The following SGCZ variants were observed in gnomAD, a reference collection of about 807,000 sequenced individuals.
SGCZ encodes the protein zeta-sarcoglycan.
A neutral mutation model predicts 41.3 loss-of-function variants in SGCZ; 40 were observed. The observed-to-expected ratio is 0.97, with a 90% CI of 0.75 to 1.26. The LOEUF is 1.26. Ranked by LOEUF, SGCZ falls within the 50% of genes most tolerant of loss-of-function variation. SGCZ has a pLI of 0.00. For missense variants in SGCZ, 552 were observed against 369.8 expected, an observed-to-expected ratio of 1.49 and a Z score of -4.04; for synonymous variants, 206 against 137.5, an observed-to-expected ratio of 1.50 and a Z score of -3.49.
intron 1 of SGCZ, among the ~76,000 whole-genome samples, chr8:14,558,574 T>TAGAGAG (rs146179658): frequency 0.1 from 10,268 of 99,460 alleles, 932 homozygotes; most frequent in African/African-American, 0.22. Context: ...GAATGACTCT[T>TAGAGAG]AGAGAGAGAG....
chr8:14,431,072 C>T (rs757441967), intron 2 of SGCZ, among the ~76,000 whole-genome samples: 20 of 152,190 alleles, frequency 1.3e-4, no homozygotes, highest in Non-Finnish European at 2.8e-4. Flanking sequence ...ATCCCATGCT[C>T]ATGGATGAGT....
chr8:15,202,373 A>G (rs979854963), intron 1 of SGCZ, among the ~76,000 whole-genome samples: 4 of 152,222 alleles, frequency 2.6e-5, no homozygotes, highest in African/African-American at 9.6e-5. Flanking sequence ...TTGAGAGACC[A>G]TTATTTTAAA....
intron 1 of SGCZ, among the ~76,000 whole-genome samples, chr8:15,005,293 C>T (rs532064082): frequency 2.7e-5 from 4 of 150,356 alleles, no homozygotes; most frequent in East Asian, 3.9e-4. Context: ...TCCGGAGCCC[C>T]CTCCCCACGC....
At chr8:14,599,635 C>G (rs1349843940) in intron 1 of SGCZ, among the ~76,000 whole-genome samples, 3 of 152,188 alleles carry the variant, frequency 2.0e-5, no homozygotes, top group African/African-American at 7.2e-5. Flanking sequence ...TTTCCCTTCA[C>G]TAAATCTGAA....
At chr8:14,876,875 C>T (rs1585340863) in intron 1 of SGCZ, among the ~76,000 whole-genome samples, 2 of 152,282 alleles carry the variant, frequency 1.3e-5, no homozygotes, top group East Asian at 1.9e-4. Flanking sequence ...AGAGGTCCCC[C>T]CGCCCTGCAA....
chr8:14,349,829 C>T (rs1005366431), intron 2 of SGCZ, among the ~76,000 whole-genome samples: 1 of 152,028 alleles, frequency 6.6e-6, no homozygotes, highest in African/African-American at 2.4e-5. Context: ...AGTAGACATG[C>T]CATAAAAAAG....
intron 1 of SGCZ, among the ~76,000 whole-genome samples, chr8:14,606,970 T>A (rs941700507): frequency 1.3e-5 from 2 of 152,162 alleles, no homozygotes; most frequent in Non-Finnish European, 2.9e-5. Context: ...TGTTACTGCT[T>A]CTACTAGTAC....
intron 1 of SGCZ, among the ~76,000 whole-genome samples, chr8:14,683,980 G>C (rs1369131150): frequency 3.9e-5 from 6 of 151,916 alleles, no homozygotes; most frequent in Non-Finnish European, 8.8e-5. Context: ...ACAATCCATG[G>C]GATGCCATAG....
chr8:14,296,664 A>C (rs1051860249), intron 3 of SGCZ, among the ~76,000 whole-genome samples: 3 of 152,182 alleles, frequency 2.0e-5, no homozygotes, highest in Non-Finnish European at 4.4e-5. Flanking sequence ...ACTAGGGTAC[A>C]TTAAACTTGC....
At chr8:14,309,476 G>A in intron 3 of SGCZ, 1 of 1,606,854 alleles carries the variant, frequency 6.2e-7, no homozygotes, top group Non-Finnish European at 8.5e-7. Context: ...ATGTGGCGCT[G>A]TTGTTAATGT....
At chr8:14,460,674 T>G (rs1047376473) in intron 2 of SGCZ, among the ~76,000 whole-genome samples, 1 of 151,982 alleles carries the variant, frequency 6.6e-6, no homozygotes, top group African/African-American at 2.4e-5. Flanking sequence ...TCCAAAGAAG[T>G]AGATTTTGTC....
At chr8:15,131,955 T>A (rs1356071230) in intron 1 of SGCZ, among the ~76,000 whole-genome samples, 3 of 152,238 alleles carry the variant, frequency 2.0e-5, no homozygotes, top group Non-Finnish European at 4.4e-5. Context: ...GCATGATAAT[T>A]ACTAAGCAAC....
rs541119366 is a variant in SGCZ at position 15,128,836 on chromosome 8, C to T, written c.39+108749G>A. 1.6e-3 allele frequency among the ~76,000 whole-genome samples: 238 copies of T among 152,250 alleles called. 1 individual carries two copies. Among genetic ancestry groups the T allele is most frequent in the Non-Finnish European group, 2.4e-3 (161 of 68,018 alleles). On this transcript the variant is annotated intron_variant, in intron 1 of 7. Transcript: ENST00000382080. ...CAAAATGCAAAATTCTCTCCTTCCCCTTAGACTGCTGAACTTTACACACAA... is the reference window on the plus strand; with the variant it reads ...CAAAATGCAAAATTCTCTCCTTCCCTTTAGACTGCTGAACTTTACACACAA...
intron 1 of SGCZ, among the ~76,000 whole-genome samples, chr8:14,868,639 TG>T (rs921215879): frequency 1.8e-4 from 27 of 152,178 alleles, no homozygotes; most frequent in African/African-American, 6.3e-4. Context: ...CACATATTGA[TG>T]GGAAAGAGAC....
At chr8:14,957,636 T>C (rs771833635) in intron 1 of SGCZ, among the ~76,000 whole-genome samples, 4 of 152,022 alleles carry the variant, frequency 2.6e-5, no homozygotes, top group Non-Finnish European at 5.9e-5. Flanking sequence ...TGCCCAGATA[T>C]ATTGTTTTAA....
intron 4 of SGCZ, among the ~76,000 whole-genome samples, chr8:14,233,277 A>G (rs1178818978): frequency 6.6e-6 from 1 of 152,000 alleles, no homozygotes; most frequent in African/African-American, 2.4e-5. Flanking sequence ...ATTTTGTAAT[A>G]TAAGAAAAAG....
chr8:14,729,063 A>G (rs563145287), intron 1 of SGCZ, among the ~76,000 whole-genome samples: 2 of 152,284 alleles, frequency 1.3e-5, no homozygotes, highest in Admixed American at 6.5e-5. Context: ...GGAATCCAGT[A>G]TTTAAAATTC....
chr8:14,403,561 C>A (rs1431395628), intron 2 of SGCZ, among the ~76,000 whole-genome samples: 1 of 152,080 alleles, frequency 6.6e-6, no homozygotes, highest in African/African-American at 2.4e-5. Context: ...TGGTTTTTGT[C>A]TTTGGCTCTG....
At chr8:14,355,780 T>C (rs1021108111) in intron 2 of SGCZ, among the ~76,000 whole-genome samples, 1 of 152,028 alleles carries the variant, frequency 6.6e-6, no homozygotes, top group African/African-American at 2.4e-5. Flanking sequence ...TGTGGGATTA[T>C]CCAAGGAAAT....
Sources: allele counts gnomAD v4.1 joint callset (sites outside exome capture counted in the v4.1 genomes callset), GRCh38; gene constraint gnomAD v4.1.1; transcripts MANE v1.5; gene names NCBI Gene and HGNC (gene_info 2026-07-23, HGNC 2026-07-21).